NTN4: variants seen among roughly 807,000 people sequenced by gnomAD.
The protein encoded by NTN4 is netrin-4.
A neutral mutation model predicts 73.6 loss-of-function variants in NTN4; 32 were observed. That is an observed-to-expected ratio of 0.44 (90% CI 0.33 to 0.58). NTN4 has a LOEUF of 0.58. Among genes scored for constraint, NTN4 ranks in the 20% least tolerant of loss-of-function variants. The pLI, the probability that NTN4 is intolerant of heterozygous loss-of-function variation, is 0.04. For missense variants in NTN4, 654 were observed against 798.3 expected (o/e 0.82, Z 2.18); for synonymous variants, 258 against 287.5 (o/e 0.90, Z 1.04).
intron 3 of NTN4, among the ~76,000 whole-genome samples, chr12:95,727,542 A>G (rs1236566270): frequency 6.6e-6 from 1 of 152,198 alleles, no homozygotes; most frequent in Non-Finnish European, 1.5e-5. Flanking sequence ...TTTCTTTATA[A>G]GAGTTTTATA....
At chr12:95,672,458 T>A in intron 7 of NTN4, 1 of 1,488,876 alleles carries the variant, frequency 6.7e-7, no homozygotes, top group East Asian at 2.3e-5. Flanking sequence ...GGCTATGAGT[T>A]TGACATCTGC....
rs568464415 is a variant in NTN4, at chr12:95,776,179, A to T, written c.585+10760T>A. ...CATCTGTACATCACCATCATCAAAG[A>T]CCAAAGGTAGATAAAACCACAAAGA... On this transcript the variant is annotated intron_variant, in intron 2 of 9. Transcript: ENST00000343702. 2.3e-4 allele frequency among the ~76,000 whole-genome samples: 35 copies of T among 152,264 alleles called. No homozygotes were observed. In the South Asian group the frequency reaches 6.8e-3, roughly 30 times the overall value.
intron 2 of NTN4, among the ~76,000 whole-genome samples, chr12:95,783,205 C>T (rs4590950): frequency 6.6e-5 from 10 of 152,046 alleles, no homozygotes; most frequent in Non-Finnish European, 1.3e-4. Flanking sequence ...GCATTTCCCA[C>T]GCTGCGCTCT....
At chr12:95,664,208 C>T (rs765352785) in intron 9 of NTN4, among the ~76,000 whole-genome samples, 11 of 151,942 alleles carry the variant, frequency 7.2e-5, no homozygotes, top group Non-Finnish European at 1.0e-4. Flanking sequence ...AATTTGCCAC[C>T]ACACCCAGCT....
At chr12:95,742,201 AGAT>A (rs968159190) in intron 2 of NTN4, among the ~76,000 whole-genome samples, 2 of 152,132 alleles carry the variant, frequency 1.3e-5, no homozygotes, top group Non-Finnish European at 2.9e-5. Context: ...CTCAATAAGA[AGAT>A]GGAAAATTAG....
chr12:95,772,803 G>A (rs1421672207), intron 2 of NTN4, among the ~76,000 whole-genome samples: 1 of 152,072 alleles, frequency 6.6e-6, no homozygotes, highest in Non-Finnish European at 1.5e-5. Flanking sequence ...TTCTACCTCT[G>A]TCCTCTGTCC....
Position 95,710,549 on chromosome 12 carries a change from C to T in NTN4, c.1072G>A (p.Val358Ile), listed in dbSNP as rs749713866. Residue 358 changes from valine to isoleucine, a missense_variant, in exon 5 of 10, where the codon GTC becomes ATC. Transcript: ENST00000343702. Reference protein sequence around the residue: ...WEASGNRSGGVCDDCQHNTEG... With the variant: ...WEASGNRSGGICDDCQHNTEG... Reference sequence around the variant, plus strand: ...GTGTTGTGCTGACAGTCATCACAGACACCACCACTACGATTCCCTGATGCC... The same window carrying T: ...GTGTTGTGCTGACAGTCATCACAGATACCACCACTACGATTCCCTGATGCC... 3.7e-6 allele frequency: 6 copies of T among 1,614,172 alleles called. No homozygotes were observed. The highest frequency in any genetic ancestry group is 5.1e-6 in the Non-Finnish European group (6 of 1,180,002).
chr12:95,690,529 T>C (rs2078394233), intron 5 of NTN4, among the ~76,000 whole-genome samples: 1 of 152,228 alleles, frequency 6.6e-6, no homozygotes, highest in Non-Finnish European at 1.5e-5. Context: ...CACTTGGTTT[T>C]TATTATGAGA....
intron 5 of NTN4, among the ~76,000 whole-genome samples, chr12:95,690,109 A>G (rs1260622153): frequency 4.6e-5 from 7 of 152,236 alleles, no homozygotes; most frequent in Non-Finnish European, 1.0e-4. Context: ...ATGGTAGATT[A>G]CAGCTGCTCA....
At chr12:95,683,259 A>T (rs1435525731) in intron 6 of NTN4, among the ~76,000 whole-genome samples, 2 of 152,046 alleles carry the variant, frequency 1.3e-5, no homozygotes, top group African/African-American at 2.4e-5. Flanking sequence ...ATGGGGTTTC[A>T]TCATGTTGGC....
intron 5 of NTN4, among the ~76,000 whole-genome samples, chr12:95,690,163 T>A (rs1363725899): frequency 6.6e-6 from 1 of 152,232 alleles, no homozygotes; most frequent in Non-Finnish European, 1.5e-5. Flanking sequence ...ATATAAGCAC[T>A]ATTTACAAAG....
At chr12:95,692,646 A>G (rs564536705) in intron 5 of NTN4, among the ~76,000 whole-genome samples, 1 of 152,330 alleles carries the variant, frequency 6.6e-6, no homozygotes, top group East Asian at 1.9e-4. Context: ...ACATTTTCAA[A>G]TATCTTGTGT....
At chr12:95,746,373 T>C (rs2078862571) in intron 2 of NTN4, among the ~76,000 whole-genome samples, 1 of 114,294 alleles carries the variant, frequency 8.7e-6, no homozygotes, top group South Asian at 3.5e-4. Context: ...TTCTGTAAAG[T>C]TGTTTTAACT....
At chr12:95,661,202 C>T (rs1018860242) in intron 9 of NTN4, among the ~76,000 whole-genome samples, 10 of 152,160 alleles carry the variant, frequency 6.6e-5, no homozygotes, top group African/African-American at 1.9e-4. Context: ...CCATTTCTTA[C>T]TTTGAAAATT....
intron 3 of NTN4, among the ~76,000 whole-genome samples, chr12:95,737,399 TGAA>T (rs760751537): frequency 7.0e-6 from 1 of 142,340 alleles, no homozygotes; most frequent in African/African-American, 2.5e-5. Context: ...CTGCCTTAGG[TGAA>T]GAGGGGGTCA....
At chr12:95,755,046 C>T (rs1229709962) in intron 2 of NTN4, among the ~76,000 whole-genome samples, 1 of 152,340 alleles carries the variant, frequency 6.6e-6, no homozygotes, top group Non-Finnish European at 1.5e-5. Context: ...TAGAAATAGA[C>T]ACATTTGTCT....
At chr12:95,745,131 G>C (rs558561630) in intron 2 of NTN4, among the ~76,000 whole-genome samples, 3 of 152,058 alleles carry the variant, frequency 2.0e-5, no homozygotes, top group African/African-American at 7.2e-5. Context: ...TTTTGGAGTA[G>C]ATTTCTTCTT....
chr12:95,725,237 A>G (rs1171287541), intron 3 of NTN4, among the ~76,000 whole-genome samples: 1 of 152,154 alleles, frequency 6.6e-6, no homozygotes, highest in Non-Finnish European at 1.5e-5. Flanking sequence ...TGAAAGCAAA[A>G]AACGAGTAGA....
Position 95,659,032 on chromosome 12 carries a change from A to G in NTN4, c.*54T>C, listed in dbSNP as rs558316689. 4.6e-6 allele frequency: 7 copies of G among 1,518,134 alleles called. No homozygotes were observed. The highest frequency in any genetic ancestry group is 4.0e-5 in the South Asian group (3 of 75,394). The allele number at this position is 1,518,134 out of a possible 1,614,324, so 94.0% of individuals were successfully genotyped here. A position where few individuals can be genotyped will look rare whatever the true frequency, so the allele number is the denominator to read the frequency against. ...TTCCTGTCTGAGGTCTTCTTGCTCT[A>G]AAGTTTGTGTTTTGTACATAGACAA... On this transcript the variant is annotated 3_prime_UTR_variant, in exon 10 of 10. Transcript: ENST00000343702.
Sources: gnomAD v4.1 joint callset for allele counts (sites outside exome capture counted in the v4.1 genomes callset) on GRCh38, gnomAD v4.1.1 for gene constraint, MANE v1.5 for transcripts, NCBI Gene and HGNC (gene_info 2026-07-23, HGNC 2026-07-21) for gene names.